Variants in GLB1L3 observed in about 807,000 individuals in gnomAD.
GLB1L3 encodes galactosidase beta 1 like 3.
GLB1L3 carries 89 observed loss-of-function variants against 89.5 expected under a neutral mutation model. The observed-to-expected ratio is 0.99, with a 90% CI of 0.84 to 1.19. The LOEUF (loss-of-function observed/expected upper bound fraction) is 1.19. Among genes scored for constraint, GLB1L3 ranks in the 50% most tolerant of loss-of-function variants. The pLI, the probability that GLB1L3 is intolerant of heterozygous loss-of-function variation, is 0.00. For synonymous variants in GLB1L3, 314 were observed against 312.3 expected (o/e 1.01, Z -0.06); for missense variants, 812 against 813.3 (o/e 1.00, Z 0.02).
At chr11:134,319,586 TGAAGG>T (rs1437005702), downstream of GLB1L3, 1 of 152,064 alleles carries the variant, frequency 6.6e-6, no homozygotes, top group Non-Finnish European at 1.5e-5. Context: ...CATACTCAAT[TGAAGG>T]GAAGGGAAAG....
intron 1 of GLB1L3, 63 bp from the exon 2 acceptor site, chr11:134,277,263 G>A (rs754862830): frequency 4.3e-6 from 7 of 1,609,550 alleles, no homozygotes; most frequent in Non-Finnish European, 5.9e-6. Flanking sequence ...ACAGCTTCCC[G>A]GCCCTTGCAG....
At chr11:134,313,295 C>A (rs890869031) in intron 15 of GLB1L3, 101 bp from the exon 16 acceptor site, 2 of 824,920 alleles carry the variant, frequency 2.4e-6, no homozygotes, top group African/African-American at 1.7e-5. Flanking sequence ...GCCTCCTGTT[C>A]TCCCATGTGT....
intron 13 of GLB1L3, 166 bp from the exon 14 acceptor site, chr11:134,312,183 C>G (rs1460781971): frequency 1.3e-5 from 9 of 676,326 alleles, no homozygotes; most frequent in Non-Finnish European, 2.0e-5. Context: ...CCTTCCTGGG[C>G]AGTGGAGACG....
downstream of GLB1L3, among the ~76,000 whole-genome samples, chr11:134,322,706 T>C (rs536263130): frequency 6.6e-6 from 1 of 152,334 alleles, no homozygotes; most frequent in East Asian, 1.9e-4. Context: ...TCATGTAGCT[T>C]AACGTTTTCA....
downstream of GLB1L3, among the ~76,000 whole-genome samples, chr11:134,323,091 C>G (rs939159442): frequency 6.6e-6 from 1 of 152,182 alleles, no homozygotes; most frequent in Non-Finnish European, 1.5e-5. Flanking sequence ...TTTAAGCTCT[C>G]TTTTTGATTA....
chr11:134,314,705 A>G (rs1049325859), intron 18 of GLB1L3, among the ~76,000 whole-genome samples: 1 of 152,182 alleles, frequency 6.6e-6, no homozygotes, highest in Non-Finnish European at 1.5e-5. Flanking sequence ...ACCCACCCCC[A>G]TTCCAATTAG....
intron 7 of GLB1L3, among the ~76,000 whole-genome samples, chr11:134,290,206 A>G (rs1427733789): frequency 6.6e-6 from 1 of 152,084 alleles, no homozygotes; most frequent in African/African-American, 2.4e-5. Context: ...TTCAGCCAGC[A>G]TTATTTAATC....
intron 1 of GLB1L3, 83 bp from the exon 2 acceptor site, chr11:134,277,243 C>T (rs1940422270): frequency 3.8e-6 from 6 of 1,583,926 alleles, no homozygotes; most frequent in Non-Finnish European, 4.3e-6. Context: ...GCCTCTAAAG[C>T]GCCCCCGGCA....
At chr11:134,292,668 T>C (rs1941418176) in intron 8 of GLB1L3, 1 of 232,054 alleles carries the variant, frequency 4.3e-6, no homozygotes, top group African/African-American at 2.3e-5. Context: ...ACTTAGGAGA[T>C]CCTAGAGAAT....
At chr11:134,284,779 C>A (rs1940891319) in intron 6 of GLB1L3, among the ~76,000 whole-genome samples, 1 of 151,988 alleles carries the variant, frequency 6.6e-6, no homozygotes, top group Admixed American at 6.6e-5. Flanking sequence ...ATATCCTATT[C>A]ATGGACATTT....
chr11:134,281,429 G>C lies in GLB1L3; in HGVS notation c.415G>C (p.Gly139Arg), dbSNP rs566149503. 1 of 1,613,832 alleles carries C rather than the reference G, an allele frequency of 6.2e-7. No homozygotes were observed. The highest frequency in any genetic ancestry group is 2.2e-5 in the East Asian group (1 of 44,870). Residue 139 changes from glycine (G) to arginine (R), a missense_variant, in exon 4 of 20, where the codon GGG becomes CGG. Gly to Arg is a moderately radical substitution (Grantham distance 125). Around this residue, in one of 3 missense-constraint regions of GLB1L3, gnomAD observed 191 missense variants for 191.4 expected, o/e 1.00. Coordinates refer to ENST00000431683, the MANE Select transcript of GLB1L3 (RefSeq NM_001080407.3). ...EPERGKFDFS[G>R]NLDLEAFVLM... ...AGAAAGAGGCAAATTTGACTTCTCT[G>C]GGAACCTGGACCTGGAGTATGTGGT...
intron 10 of GLB1L3, among the ~76,000 whole-genome samples, chr11:134,308,284 A>G (rs1338910412): frequency 1.5e-4 from 3 of 20,414 alleles, no homozygotes; most frequent in Admixed American, 5.1e-4. Context: ...CCACCACCAA[A>G]TACCACCACC....
rs1940836990 is a variant in GLB1L3 at position 134,283,783 on chromosome 11, A to G, written c.574A>G (p.Ser192Gly). ...GTTACTGTTGAGGACAACCAACAAG[A>G]GCTTCATTGAAGCAGTTGAGAAGTA... The part of the protein sequence containing the change: ...PRLLLRTTNK[S>G]FIEAVEKYFD... The change falls in exon 6 of 20, where the codon AGC becomes GGC. Residue 192 changes from serine to glycine, a missense_variant. Physicochemically the swap from Ser to Gly is moderately conservative, Grantham distance 56. This residue lies in a region of GLB1L3 where 618 missense variants were observed against 604.0 expected (regional missense o/e 1.02). Transcript: ENST00000431683. 1 of 1,613,210 alleles carries G rather than the reference A, an allele frequency of 6.2e-7. No homozygotes were observed. Among genetic ancestry groups the G allele is most frequent in the Admixed American group, 1.7e-5 (1 of 59,932 alleles).
intron 9 of GLB1L3, among the ~76,000 whole-genome samples, chr11:134,294,863 C>T (rs1384647480): frequency 6.6e-6 from 1 of 152,180 alleles, no homozygotes; most frequent in Non-Finnish European, 1.5e-5. Flanking sequence ...TTGACTGTCA[C>T]GTACGTAAAG....
intron 18 of GLB1L3, among the ~76,000 whole-genome samples, chr11:134,315,046 T>TTTTGA (rs1369407850): frequency 3.9e-5 from 6 of 152,328 alleles, no homozygotes; most frequent in Admixed American, 1.3e-4. Context: ...TCTAACACCC[T>TTTTGA]AGGCCAGTGT....
chr11:134,306,272 G>A (rs546325473), intron 9 of GLB1L3, among the ~76,000 whole-genome samples: 6 of 152,128 alleles, frequency 3.9e-5, no homozygotes, highest in Non-Finnish European at 8.8e-5. Flanking sequence ...AAAATTTGAG[G>A]CTAAATGAAT....
Position 134,311,069 on chromosome 11 carries a change from C to G in GLB1L3, c.1186C>G (p.Pro396Ala). Residue 396 changes from proline to alanine, a missense_variant, in exon 13 of 20, where the codon CCC becomes GCC. Coordinates refer to ENST00000431683, the MANE Select transcript of GLB1L3 (RefSeq NM_001080407.3). ...QKLFQSVSAT[P>A]LPRVPKLPPK... The stretch of plus-strand genomic sequence containing the variant: ...GTGCCCCATCTCCATTGCAGCAACT[C>G]CCCTGCCCCGAGTACCCAAACTTCC... 1.9e-6 allele frequency: 3 copies of G among 1,613,392 alleles called. No individual in the cohort carries two copies. Among genetic ancestry groups the G allele is most frequent in the Non-Finnish European group, 2.5e-6 (3 of 1,179,502 alleles).
rs145536799 is a variant in GLB1L3, at chr11:134,312,754, G to T, written c.1429-62G>T. On this transcript the variant is annotated intron_variant, in intron 14 of 19. Transcript: ENST00000431683. ...ACTGACCTCCTTCTCCCGAAACCGC[G>T]GCCTCTCTTCTCCCTTTCTTCGGGT... The T allele has an allele frequency of 3.6e-6, 5 of 1,371,392 alleles. No homozygotes were observed. In the African/African-American group the frequency reaches 5.7e-5, roughly 16 times the overall value. 85.0% of individuals were successfully genotyped at this position (1,371,392 alleles called of 1,614,324 possible). A position where few individuals can be genotyped will look rare whatever the true frequency, so the allele number is the denominator to read the frequency against.
At chr11:134,323,450 A>G (rs1943190539), downstream of GLB1L3, among the ~76,000 whole-genome samples, 1 of 151,858 alleles carries the variant, frequency 6.6e-6, no homozygotes, top group Non-Finnish European at 1.5e-5. Flanking sequence ...TGGTGGGTGC[A>G]TGTAATCCCA....
Sources: gnomAD v4.1 joint callset for allele counts (sites outside exome capture counted in the v4.1 genomes callset) on GRCh38, gnomAD v4.1.1 for gene constraint, gnomAD v4.1.1 regional missense constraint, MANE v1.5 for transcripts, NCBI Gene and HGNC (gene_info 2026-07-23, HGNC 2026-07-21) for gene names.